Variants in SLC8A1 observed in about 807,000 individuals in gnomAD.
SLC8A1 encodes the protein sodium/calcium exchanger 1.
Under a neutral mutation model 68.3 loss-of-function variants are expected in SLC8A1, and 18 were observed. The observed-to-expected ratio is 0.26, with a 90% CI of 0.18 to 0.39. The LOEUF (loss-of-function observed/expected upper bound fraction) is 0.39, where lower values mean the gene tolerates loss of function less well. SLC8A1 is among the 10% of genes least tolerant of loss of function. The pLI is 1.00. For missense variants in SLC8A1, 985 were observed against 1,156.7 expected (o/e 0.85, Z 2.15); for synonymous variants, 475 against 415.5 (o/e 1.14, Z -1.74).
At chr2:40,380,483 C>T (rs1455365423) in intron 2 of SLC8A1, among the ~76,000 whole-genome samples, 3 of 151,928 alleles carry the variant, frequency 2.0e-5, no homozygotes, top group African/African-American at 4.8e-5. Context: ...TGTTTTATCT[C>T]ATTTTTTTTT....
intron 2 of SLC8A1, among the ~76,000 whole-genome samples, chr2:40,384,861 G>A (rs879360539): frequency 1.6e-4 from 24 of 151,980 alleles, no homozygotes; most frequent in African/African-American, 4.8e-4. Flanking sequence ...GTGGTCAGAT[G>A]AGTCAAGGCT....
At chr2:40,235,669 C>T (rs2060267360) in intron 2 of SLC8A1, among the ~76,000 whole-genome samples, 1 of 151,888 alleles carries the variant, frequency 6.6e-6, no homozygotes, top group Non-Finnish European at 1.5e-5. Flanking sequence ...TCTTGCTTTT[C>T]TAGTTCTTTT....
chr2:40,120,546 C>G (rs1427956487), intron 7 of SLC8A1, among the ~76,000 whole-genome samples: 1 of 152,126 alleles, frequency 6.6e-6, no homozygotes, highest in African/African-American at 2.4e-5. Flanking sequence ...GGGTGGTGCA[C>G]AGAATACATT....
intron 2 of SLC8A1, among the ~76,000 whole-genome samples, chr2:40,257,144 T>C (rs2064057687): frequency 6.6e-6 from 1 of 152,190 alleles, no homozygotes; most frequent in East Asian, 1.9e-4. Flanking sequence ...TCTACTACAA[T>C]CTTTTTAATT....
intron 2 of SLC8A1, among the ~76,000 whole-genome samples, chr2:40,337,115 G>C (rs1242945010): frequency 6.6e-6 from 1 of 152,116 alleles, no homozygotes; most frequent in Non-Finnish European, 1.5e-5. Context: ...ATATAAGCAT[G>C]ATAATTGTGT....
At chr2:40,387,235 T>C (rs1454182217) in intron 2 of SLC8A1, among the ~76,000 whole-genome samples, 1 of 151,456 alleles carries the variant, frequency 6.6e-6, no homozygotes, top group East Asian at 1.9e-4. Context: ...TTGGATATTT[T>C]GTTCCTCTTT....
intron 1 of SLC8A1, among the ~76,000 whole-genome samples, chr2:40,443,664 T>C (rs1700918046): frequency 6.6e-6 from 1 of 152,170 alleles, no homozygotes; most frequent in Admixed American, 6.5e-5. Flanking sequence ...ATGTGGTAGA[T>C]GGAAGGTTCA....
intron 2 of SLC8A1, among the ~76,000 whole-genome samples, chr2:40,254,123 G>A (rs1651353): frequency 0.94 from 142,791 of 152,254 alleles, 67,064 homozygotes; most frequent in East Asian, 1. Context: ...ATGTATCAAA[G>A]CATCACACAT....
chr2:40,401,204 T>C (rs1329711524), intron 2 of SLC8A1, among the ~76,000 whole-genome samples: 1 of 152,186 alleles, frequency 6.6e-6, no homozygotes, highest in African/African-American at 2.4e-5. Context: ...ATGCCTGCAC[T>C]TTGCAGTGTT....
At chr2:40,249,750 A>G (rs1161554223) in intron 2 of SLC8A1, among the ~76,000 whole-genome samples, 1 of 152,186 alleles carries the variant, frequency 6.6e-6, no homozygotes, top group Admixed American at 6.5e-5. Context: ...TTAAATACTG[A>G]GAGGACTGAC....
intron 2 of SLC8A1, chr2:40,189,677 A>G (rs2051382237): frequency 6.6e-6 from 1 of 152,342 alleles, no homozygotes; most frequent in South Asian, 2.1e-4. Flanking sequence ...GCAGAAATGA[A>G]GAAAAAGTCA....
intron 6 of SLC8A1, among the ~76,000 whole-genome samples, chr2:40,157,105 A>G (rs1438796537): frequency 1.3e-5 from 2 of 152,192 alleles, no homozygotes; most frequent in Non-Finnish European, 2.9e-5. Flanking sequence ...TTTTAGTCCC[A>G]TAGCTATTTT....
chr2:40,367,536 A>C (rs1575748004), intron 2 of SLC8A1, among the ~76,000 whole-genome samples: 1 of 152,174 alleles, frequency 6.6e-6, no homozygotes, highest in Admixed American at 6.6e-5. Flanking sequence ...ACCAAACTAT[A>C]CAGTAAGTAT....
At chr2:40,449,070 CCTT>C (rs889553209) in intron 1 of SLC8A1, among the ~76,000 whole-genome samples, 9 of 151,596 alleles carry the variant, frequency 5.9e-5, no homozygotes, top group East Asian at 1.9e-4. Context: ...AGGGCAGTCT[CCTT>C]CTTATCTATA....
intron 2 of SLC8A1, among the ~76,000 whole-genome samples, chr2:40,290,288 GTTT>G (rs1235183447): frequency 6.6e-6 from 1 of 151,512 alleles, no homozygotes; most frequent in African/African-American, 2.4e-5. Flanking sequence ...TTGTTTCTTT[GTTT>G]TTATCTTGGT....
At chr2:40,134,720 G>C (rs1558480758) in intron 7 of SLC8A1, among the ~76,000 whole-genome samples, 1 of 152,126 alleles carries the variant, frequency 6.6e-6, no homozygotes, top group East Asian at 1.9e-4. Flanking sequence ...GAACCAACTT[G>C]TACTAATGTG....
intron 2 of SLC8A1, among the ~76,000 whole-genome samples, chr2:40,392,416 A>G (rs1685598040): frequency 6.6e-6 from 1 of 152,004 alleles, no homozygotes; most frequent in African/African-American, 2.4e-5. Context: ...TTTTCAAGAA[A>G]GGAAGAGAAA....
At chr2:40,199,116 G>A (rs923157122) in intron 2 of SLC8A1, among the ~76,000 whole-genome samples, 1 of 151,622 alleles carries the variant, frequency 6.6e-6, no homozygotes, top group African/African-American at 2.4e-5. Flanking sequence ...AAATTAATCT[G>A]ATCCCATTTC....
chr2:40,205,897 T>C (rs1230976688), intron 2 of SLC8A1, among the ~76,000 whole-genome samples: 1 of 151,358 alleles, frequency 6.6e-6, no homozygotes, highest in Non-Finnish European at 1.5e-5. Context: ...AACTGGCCCA[T>C]GGGTGCAGGG....
Sources: allele counts gnomAD v4.1 joint callset (sites outside exome capture counted in the v4.1 genomes callset), GRCh38; gene constraint gnomAD v4.1.1; transcripts MANE v1.5; gene names NCBI Gene and HGNC (gene_info 2026-07-23, HGNC 2026-07-21).